Variants in NRG1 observed in about 807,000 individuals in gnomAD.
The protein encoded by NRG1 is neuregulin 1.
Under a neutral mutation model 63.8 loss-of-function variants are expected in NRG1, and 18 were observed. The observed-to-expected ratio is 0.28, with a 90% CI of 0.19 to 0.42. The LOEUF (loss-of-function observed/expected upper bound fraction) is 0.42, where lower values mean the gene tolerates loss of function less well. Ranked by LOEUF, NRG1 falls within the 10% of genes least tolerant of loss-of-function variation. The probability of loss-of-function intolerance (pLI) is 1.00; values close to 1 mark genes in which losing one functional copy is unlikely to be tolerated. For synonymous variants in NRG1, 302 were observed against 301.3 expected (o/e 1.00, Z -0.02); for missense variants, 762 against 814.7 (o/e 0.94, Z 0.79).
At chr8:32,295,668 G>C (rs1361056854) in intron 1 of NRG1, among the ~76,000 whole-genome samples, 6 of 152,018 alleles carry the variant, frequency 3.9e-5, no homozygotes, top group Non-Finnish European at 7.4e-5. Flanking sequence ...AAAGAGACTT[G>C]GGCTGAGTGC....
At chr8:32,068,832 C>A (rs1825300450) in intron 1 of NRG1, among the ~76,000 whole-genome samples, 1 of 152,132 alleles carries the variant, frequency 6.6e-6, no homozygotes, top group Admixed American at 6.6e-5. Flanking sequence ...GTAACTAAGT[C>A]TTAGTGCTAT....
chr8:32,670,279 A>G (rs778194371), intron 5 of NRG1, among the ~76,000 whole-genome samples: 10 of 152,150 alleles, frequency 6.6e-5, no homozygotes, highest in Non-Finnish European at 1.0e-4. Flanking sequence ...GACAAATCGC[A>G]TTCCAGTTTG....
chr8:32,545,991 A>G (rs1402879630), upstream of NRG1, among the ~76,000 whole-genome samples: 4 of 151,646 alleles, frequency 2.6e-5, no homozygotes, highest in Admixed American at 2.0e-4. Flanking sequence ...ATTTATACTC[A>G]CCTCCCTCCC....
chr8:31,775,384 A>G (rs1819018692), intron 1 of NRG1, among the ~76,000 whole-genome samples: 1 of 152,210 alleles, frequency 6.6e-6, no homozygotes, highest in Non-Finnish European at 1.5e-5. Context: ...AGTGAGAGAT[A>G]AACAATGGGT....
chr8:32,349,079 T>C (rs1037739967), intron 1 of NRG1, among the ~76,000 whole-genome samples: 1 of 152,236 alleles, frequency 6.6e-6, no homozygotes, highest in Non-Finnish European at 1.5e-5. Flanking sequence ...TGAGTGGGAC[T>C]GCCTTCTGCA....
chr8:32,614,558 T>C, exon 4 of NRG1: 1 of 1,612,202 alleles, frequency 6.2e-7, no homozygotes, highest in South Asian at 1.1e-5. Flanking sequence ...AGCATATGTG[T>C]CTTCAGGTAA....
intron 4 of NRG1, among the ~76,000 whole-genome samples, chr8:32,616,326 T>C (rs1245736798): frequency 6.6e-6 from 1 of 152,104 alleles, no homozygotes; most frequent in East Asian, 1.9e-4. Flanking sequence ...TCTAGCAGAC[T>C]TTGCATGGAC....
At chr8:32,370,108 G>T (rs1010447839) in intron 1 of NRG1, among the ~76,000 whole-genome samples, 1 of 152,176 alleles carries the variant, frequency 6.6e-6, no homozygotes, top group African/African-American at 2.4e-5. Flanking sequence ...GATATAAAAA[G>T]CCAGCTTTCT....
chr8:32,559,672 G>T (rs1835973594), intron 1 of NRG1, among the ~76,000 whole-genome samples: 2 of 151,928 alleles, frequency 1.3e-5, no homozygotes, highest in East Asian at 1.9e-4. Flanking sequence ...TCTTTTTAAA[G>T]AATTACTTTT....
chr8:31,941,303 A>T (rs1363011238), intron 1 of NRG1, among the ~76,000 whole-genome samples: 1 of 152,138 alleles, frequency 6.6e-6, no homozygotes, highest in Non-Finnish European at 1.5e-5. Flanking sequence ...AAATCACATG[A>T]TTGTCTCAAT....
At chr8:32,536,422 A>G (rs1831974032) in intron 1 of NRG1, among the ~76,000 whole-genome samples, 1 of 152,174 alleles carries the variant, frequency 6.6e-6, no homozygotes, top group South Asian at 2.1e-4. Context: ...CTCTTCAGGA[A>G]AGGTTCACTC....
intron 1 of NRG1, among the ~76,000 whole-genome samples, chr8:31,708,688 G>A (rs532583628): frequency 2.6e-5 from 4 of 151,870 alleles, no homozygotes; most frequent in East Asian, 1.9e-4. Flanking sequence ...CTCGTGATCC[G>A]CCCGCCTCGG....
rs559754322 is a variant in NRG1, at chr8:31,977,597, C to T, written c.37+338166C>T. On this transcript the variant is annotated intron_variant, in intron 1 of 10. Coordinates refer to the NRG1 transcript ENST00000519301. ...TATCTGCAAACCACTCAGTGGACAT[C>T]CAATATACAAGCAAACCAATTATAG... Among the ~76,000 whole-genome samples the T allele has an allele frequency of 2.1e-4, 32 of 152,010 alleles. No individual in the cohort carries two copies. The East Asian group carries it at 5.8e-3, about 28-fold the overall frequency.
At chr8:31,972,367 C>T (rs1022685313) in intron 1 of NRG1, among the ~76,000 whole-genome samples, 2 of 152,094 alleles carry the variant, frequency 1.3e-5, no homozygotes, top group Non-Finnish European at 2.9e-5. Context: ...TCCTTGACCT[C>T]GGCTCTTCCC....
chr8:32,726,649 T>C (rs888178265), intron 5 of NRG1, among the ~76,000 whole-genome samples: 1 of 151,954 alleles, frequency 6.6e-6, no homozygotes, highest in African/African-American at 2.4e-5. Context: ...TCCAGTCAGA[T>C]AGAATAAAAA....
chr8:31,869,860 T>C (rs1042756969), intron 1 of NRG1, among the ~76,000 whole-genome samples: 6 of 152,180 alleles, frequency 3.9e-5, no homozygotes, highest in African/African-American at 1.2e-4. Flanking sequence ...GAGAAAATAG[T>C]ATGATAAAGA....
intron 1 of NRG1, among the ~76,000 whole-genome samples, chr8:32,296,375 A>C (rs1854870019): frequency 6.6e-6 from 1 of 152,076 alleles, no homozygotes; most frequent in South Asian, 2.1e-4. Context: ...GGATCACCTG[A>C]GGTCAGGAGT....
intron 1 of NRG1, among the ~76,000 whole-genome samples, chr8:31,935,031 G>A (rs554765829): frequency 6.6e-6 from 1 of 152,168 alleles, no homozygotes; most frequent in African/African-American, 2.4e-5. Context: ...GCTGACTGCA[G>A]CCTCGAACTC....
At chr8:32,316,194 G>A (rs1179469732) in intron 1 of NRG1, among the ~76,000 whole-genome samples, 1 of 152,186 alleles carries the variant, frequency 6.6e-6, no homozygotes, top group Admixed American at 6.5e-5. Flanking sequence ...AGAATCCTAA[G>A]GGACCGGGCG....
Sources: gnomAD v4.1 joint callset for allele counts (sites outside exome capture counted in the v4.1 genomes callset) on GRCh38, gnomAD v4.1.1 for gene constraint, MANE v1.5 for transcripts, NCBI Gene and HGNC (gene_info 2026-07-23, HGNC 2026-07-21) for gene names.